The following IL1RAPL2 variants were observed in gnomAD, a reference collection of about 807,000 sequenced individuals.
IL1RAPL2 encodes the protein X-linked interleukin-1 receptor accessory protein-like 2.
IL1RAPL2 carries 3 observed loss-of-function variants against 44.1 expected under a neutral mutation model. That is an observed-to-expected ratio of 0.07 (90% CI 0.03 to 0.18). The LOEUF (loss-of-function observed/expected upper bound fraction) is 0.18, where lower values mean the gene tolerates loss of function less well. Ranked by LOEUF, IL1RAPL2 falls within the 10% of genes least tolerant of loss-of-function variation. IL1RAPL2 has a pLI of 1.00. For synonymous variants in IL1RAPL2, 181 were observed against 178.8 expected, an observed-to-expected ratio of 1.01 and a Z score of -0.10; for missense variants, 391 against 496.4, an observed-to-expected ratio of 0.79 and a Z score of 2.02.
chrX:105,350,960 G>A (rs983017810), intron 5 of IL1RAPL2, among the ~76,000 whole-genome samples: 11 of 111,494 alleles, frequency 9.9e-5, no homozygotes, highest in African/African-American at 1.6e-4. Flanking sequence ...AAAAGTTGCC[G>A]AAGGATATGA....
At chrX:105,047,853 A>T (rs1318433683) in intron 2 of IL1RAPL2, among the ~76,000 whole-genome samples, 1 of 112,202 alleles carries the variant, frequency 8.9e-6, no homozygotes, top group African/African-American at 3.2e-5. Flanking sequence ...AGAAAATCCC[A>T]GATTAACCAT....
intron 2 of IL1RAPL2, among the ~76,000 whole-genome samples, chrX:105,033,390 C>T (rs1425217137): frequency 1.8e-5 from 2 of 111,499 alleles, no homozygotes; most frequent in Non-Finnish European, 3.8e-5. Flanking sequence ...TTTATTGCTT[C>T]CTTCAGGAGC....
intron 2 of IL1RAPL2, among the ~76,000 whole-genome samples, chrX:104,794,139 T>C (rs768184034): frequency 8.9e-6 from 1 of 112,129 alleles, no homozygotes; most frequent in Non-Finnish European, 1.9e-5. Context: ...CCACTTCTCA[T>C]GTAGCATAGG....
At chrX:104,935,614 A>T (rs982623097) in intron 2 of IL1RAPL2, among the ~76,000 whole-genome samples, 6 of 112,338 alleles carry the variant, frequency 5.3e-5, no homozygotes, top group Middle Eastern at 4.6e-3. Context: ...TCCTTCAAAC[A>T]TGTGAAAATT....
chrX:105,544,025 A>G (rs188392080), intron 6 of IL1RAPL2, among the ~76,000 whole-genome samples: 1 of 111,769 alleles, frequency 8.9e-6, no homozygotes, highest in African/African-American at 3.2e-5. Flanking sequence ...CATTTTGAAA[A>G]TGTTGAGTCT....
At chrX:105,309,128 G>A (rs1031817994) in intron 5 of IL1RAPL2, among the ~76,000 whole-genome samples, 6 of 110,016 alleles carry the variant, frequency 5.5e-5, no homozygotes, top group Non-Finnish European at 1.1e-4. Flanking sequence ...TCCGCCTCTC[G>A]GGTTCAAGTG....
intron 2 of IL1RAPL2, among the ~76,000 whole-genome samples, chrX:105,098,967 A>C: frequency 8.9e-6 from 1 of 112,527 alleles, no homozygotes; most frequent in Admixed American, 9.4e-5. Context: ...ATGTATAGGT[A>C]AGACTGTGAT....
At chrX:104,682,274 AG>A (rs1339682047) in intron 2 of IL1RAPL2, among the ~76,000 whole-genome samples, 1 of 112,209 alleles carries the variant, frequency 8.9e-6, no homozygotes, top group African/African-American at 3.2e-5. Flanking sequence ...TTGGATATGA[AG>A]GCACAATTAG....
At chrX:105,237,624 G>A (rs1569410982) in intron 4 of IL1RAPL2, among the ~76,000 whole-genome samples, 1 of 111,724 alleles carries the variant, frequency 9.0e-6, no homozygotes, top group Non-Finnish European at 1.9e-5. Context: ...CATGTCTTTT[G>A]GCTGCATAAA....
chrX:105,234,679 A>G (rs1443585840), intron 4 of IL1RAPL2, among the ~76,000 whole-genome samples: 1 of 109,966 alleles, frequency 9.1e-6, no homozygotes, highest in Non-Finnish European at 1.9e-5. Flanking sequence ...ATTGCAGCAC[A>G]CACCTGTAAT....
chrX:104,930,497 A>G (rs777058661), intron 2 of IL1RAPL2, among the ~76,000 whole-genome samples: 3 of 112,054 alleles, frequency 2.7e-5, no homozygotes, highest in African/African-American at 9.7e-5. Context: ...TACATGAAGT[A>G]ACTATTCAAT....
intron 7 of IL1RAPL2, among the ~76,000 whole-genome samples, chrX:105,717,833 T>A (rs2038270204): frequency 8.9e-6 from 1 of 112,378 alleles, no homozygotes; most frequent in African/African-American, 3.2e-5. Flanking sequence ...GTTTATTTTC[T>A]ACCTGGGAAC....
rs566483588 is a variant in IL1RAPL2 at position 105,265,379 on chromosome X, G to A, written c.544-2009G>A. ...TGTGGATTATTATTGTATGACGGCA[G>A]TGGCAGCTGGGCTGTTTCTTTTTCT... On this transcript the variant is annotated intron_variant, in intron 4 of 10. Transcript: ENST00000372582. Among the ~76,000 whole-genome samples the A allele has an allele frequency of 2.9e-4, 33 of 112,274 alleles. No individual in the cohort carries two copies. The Middle Eastern group carries it at 0.014, about 47-fold the overall frequency.
chrX:105,488,104 A>C (rs1421875634), intron 6 of IL1RAPL2, among the ~76,000 whole-genome samples: 1 of 112,087 alleles, frequency 8.9e-6, no homozygotes, highest in Non-Finnish European at 1.9e-5. Context: ...ATCATGGTAG[A>C]TTAAAGGTGG....
At chrX:104,926,878 C>T (rs1017860980) in intron 2 of IL1RAPL2, among the ~76,000 whole-genome samples, 4 of 111,397 alleles carry the variant, frequency 3.6e-5, no homozygotes, top group African/African-American at 9.8e-5. Flanking sequence ...GATTAAGGAC[C>T]AGTGAGATTT....
intron 2 of IL1RAPL2, among the ~76,000 whole-genome samples, chrX:104,824,017 G>A (rs890019128): frequency 4.5e-5 from 5 of 111,346 alleles, no homozygotes; most frequent in East Asian, 5.6e-4. Context: ...TGATATTGGC[G>A]GTGGGTTTGT....
chrX:104,851,022 C>CT (rs1569326643), intron 2 of IL1RAPL2, among the ~76,000 whole-genome samples: 11 of 110,551 alleles, frequency 1.0e-4, no homozygotes, highest in Non-Finnish European at 2.1e-4. Flanking sequence ...GAATCCTGTT[C>CT]TTTTTTTTCT....
chrX:104,993,688 C>T (rs772344404), intron 2 of IL1RAPL2, among the ~76,000 whole-genome samples: 4 of 111,491 alleles, frequency 3.6e-5, no homozygotes, highest in Non-Finnish European at 7.6e-5. Context: ...ACCATACTAA[C>T]TGCTTTCATA....
intron 2 of IL1RAPL2, among the ~76,000 whole-genome samples, chrX:104,900,525 A>G (rs1406587712): frequency 9.0e-6 from 1 of 111,321 alleles, no homozygotes; most frequent in Non-Finnish European, 1.9e-5. Flanking sequence ...GCTTAAAACA[A>G]CAATTATTTA....
Sources: gnomAD v4.1 joint callset for allele counts (sites outside exome capture counted in the v4.1 genomes callset) on GRCh38, gnomAD v4.1.1 for gene constraint, MANE v1.5 for transcripts, NCBI Gene and HGNC (gene_info 2026-07-23, HGNC 2026-07-21) for gene names.